POU3F4: variants seen among roughly 807,000 people sequenced by gnomAD.
The protein encoded by POU3F4 is POU domain, class 3, transcription factor 4.
Under a neutral mutation model 15.2 loss-of-function variants are expected in POU3F4, and 2 were observed. The observed-to-expected ratio is 0.13, with a 90% CI of 0.05 to 0.42. POU3F4 has a LOEUF of 0.42. POU3F4 is among the 10% of genes least tolerant of loss of function. The probability of loss-of-function intolerance (pLI) is 0.99; values close to 1 mark genes in which losing one functional copy is unlikely to be tolerated. For missense variants in POU3F4, 220 were observed against 297.0 expected (o/e 0.74, Z 1.91); for synonymous variants, 158 against 133.3 (o/e 1.19, Z -1.28).
Position 83,508,766 on chromosome X carries a change from G to A in POU3F4, c.442G>A (p.Gly148Arg), listed in dbSNP as rs773169987. The A allele has an allele frequency of 1.7e-6, 2 of 1,205,449 alleles. No individual in the cohort carries two copies. The highest frequency in any genetic ancestry group is 2.2e-5 in the Admixed American group (1 of 45,343). ...CACCGTGAGCGGCATGCTGGAACAC[G>A]GGGGACTCACCCCACCTCCAGCTGC... ...GFTVSGMLEH[G>R]GLTPPPAAAS... The change falls in exon 1 of 1, where the codon GGG becomes AGG. Residue 148 changes from glycine (G) to arginine (R), a missense_variant. Around this residue, in one of 5 missense-constraint regions of POU3F4, gnomAD observed 161 missense variants for 154.1 expected, o/e 1.05. Coordinates refer to ENST00000644024, the MANE Select transcript of POU3F4 (RefSeq NM_000307.5).
rs1361161190 is a variant in POU3F4 at position 83,510,242 on chromosome X, G to C, written c.*832G>C. On this transcript the variant is annotated 3_prime_UTR_variant, in exon 1 of 1. Transcript: ENST00000644024. ...TGGCTTTTTAATTGCTTAGAAAAGG[G>C]AGGAGATGAATGGGAATAGGCGGGG... 9.1e-6 allele frequency: 1 copy of C among 109,516 alleles called. No individual in the cohort carries two copies. Among genetic ancestry groups the C allele is most frequent in the Non-Finnish European group, 1.9e-5 (1 of 52,551 alleles). The allele number at this position is 109,516 out of a possible 1,213,427, so 9.0% of individuals were successfully genotyped here.
In POU3F4 at chrX:83,509,669, C is replaced by A; in HGVS notation, c.*259C>A. 2.5e-6 allele frequency: 1 copy of A among 406,029 alleles called. No homozygotes were observed. Among genetic ancestry groups the A allele is most frequent in the Non-Finnish European group, 4.3e-6 (1 of 234,620 alleles). 33.5% of individuals were successfully genotyped at this position (406,029 alleles called of 1,213,427 possible). Reference sequence around the variant, plus strand: ...TCCCTTCCCTTCCATCTCTTCCTTTCCTTTCCTTTCTTTTCTTTTGCTTTC... The same window carrying A: ...TCCCTTCCCTTCCATCTCTTCCTTTACTTTCCTTTCTTTTCTTTTGCTTTC... On this transcript the variant is annotated 3_prime_UTR_variant, in exon 1 of 1. Transcript: ENST00000644024.
Position 83,511,416 on chromosome X carries a change from C to T in POU3F4, c.*2006C>T. 1 of 112,060 alleles carries T rather than the reference C, an allele frequency of 8.9e-6. No homozygotes were observed. Among genetic ancestry groups the T allele is most frequent in the Non-Finnish European group, 1.9e-5 (1 of 53,217 alleles). The allele number at this position is 112,060 out of a possible 1,213,427, so 9.2% of individuals were successfully genotyped here. On this transcript the variant is annotated 3_prime_UTR_variant, in exon 1 of 1. Coordinates refer to ENST00000644024, the MANE Select transcript of POU3F4 (RefSeq NM_000307.5). Reference sequence around the variant, plus strand: ...GCCACTGCTGGCCGCCTAGTCCGGCCTTTAGGCGCAGCTGCTGTAGACAAA... The same window carrying T: ...GCCACTGCTGGCCGCCTAGTCCGGCTTTTAGGCGCAGCTGCTGTAGACAAA...
In POU3F4 at chrX:83,509,562, T is replaced by TCCTTTTTCTTTCCTTTCC. The variant is rs1406007790; in HGVS notation, c.*166_*183dup. 4.4e-5 allele frequency: 35 copies of TCCTTTTTCTTTCCTTTCC among 803,130 alleles called. No individual in the cohort carries two copies. In the African/African-American group the frequency reaches 6.0e-4, roughly 14 times the overall value. 66.2% of individuals were successfully genotyped at this position (803,130 alleles called of 1,213,427 possible). On this transcript the variant is annotated 3_prime_UTR_variant, in exon 1 of 1. Transcript: ENST00000644024. ...CGTACTCTCTCTCTTTTCCCTCCTT[T>TCCTTTTTCTTTCCTTTCC]CCTTTTTCTTTCCTTTCCCCTTTTT...
Position 83,509,083 on chromosome X carries a change from C to T in POU3F4, c.759C>T (p.Asn253=), listed in dbSNP as rs1357893250. ...KNMCKLKPLL[N]KWLEEADSST... ...TGTGCAAGCTGAAGCCCCTGCTGAACAAGTGGCTGGAGGAGGCGGATTCGT... is the reference window on the plus strand; with the variant it reads ...TGTGCAAGCTGAAGCCCCTGCTGAATAAGTGGCTGGAGGAGGCGGATTCGT... Residue 253 remains asparagine (N), a synonymous_variant, in exon 1 of 1, where the codon AAC becomes AAT. Coordinates refer to ENST00000644024, the MANE Select transcript of POU3F4 (RefSeq NM_000307.5). 2 of 1,210,557 alleles carry T rather than the reference C, an allele frequency of 1.7e-6. No individual in the cohort carries two copies. Among genetic ancestry groups the T allele is most frequent in the Admixed American group, 2.2e-5 (1 of 45,929 alleles).
Position 83,509,351 on chromosome X carries a change from C to T in POU3F4, c.1027C>T (p.Gln343Ter), listed in dbSNP as rs1156540353. The change falls in exon 1 of 1, where the codon CAG becomes TAG. Residue 343 changes from glutamine (Q) to a stop codon, truncating the protein, a stop_gained. Transcript: ENST00000644024. LOFTEE classifies it high-confidence loss of function. The stretch of plus-strand genomic sequence containing the variant: ...AAGAATGACTCCGCCAGGGGATCAG[C>T]AGCCGCATGAGGTTTATTCGCACAC... ...EKRMTPPGDQQPHEVYSHTVK... is the reference protein window; with the variant it reads ...EKRMTPPGDQ The T allele has an allele frequency of 8.3e-7, 1 of 1,209,022 alleles. No homozygotes were observed. Among genetic ancestry groups the T allele is most frequent in the East Asian group, 3.0e-5 (1 of 33,765 alleles).
chrX:83,509,700 C>CT lies in POU3F4; in HGVS notation c.*297dup, dbSNP rs1011062251. On this transcript the variant is annotated 3_prime_UTR_variant, in exon 1 of 1. Transcript: ENST00000644024. ...CTTTCTTTTCTTTTGCTTTCCTTTC[C>CT]TTTTTTTCCCTTTTCTTTCCTTTTC... 2.6e-5 allele frequency: 9 copies of CT among 349,802 alleles called. No individual in the cohort carries two copies. The highest frequency in any genetic ancestry group is 8.5e-5 in the African/African-American group (3 of 35,205). The allele number at this position is 349,802 out of a possible 1,213,427, so 28.8% of individuals were successfully genotyped here. A position where few individuals can be genotyped will look rare whatever the true frequency, so the allele number is the denominator to read the frequency against.
rs1428201589 is a variant in POU3F4, at chrX:83,508,626, T to C, written c.302T>C (p.Val101Ala). The C allele has an allele frequency of 5.8e-6, 7 of 1,211,257 alleles. No homozygotes were observed. The highest frequency in any genetic ancestry group is 7.8e-6 in the Non-Finnish European group (7 of 895,315). ...GAIIHHRSPH[V>A]AHHSPHTNHP... is the part of the protein sequence containing the mutation. Reference sequence around the variant, plus strand: ...ATCATCCATCACCGCTCGCCACACGTAGCCCACCACTCACCGCACACTAAC... The same window carrying C: ...ATCATCCATCACCGCTCGCCACACGCAGCCCACCACTCACCGCACACTAAC... Residue 101 changes from valine (V) to alanine (A), a missense_variant, in exon 1 of 1, where the codon GTA becomes GCA. Around this residue, in one of 5 missense-constraint regions of POU3F4, gnomAD observed 161 missense variants for 154.1 expected, o/e 1.05. Transcript: ENST00000644024.
Position 83,509,402 on chromosome X carries a change from G to C in POU3F4, c.1078G>C (p.Asp360His). 1 of 1,199,988 alleles carries C rather than the reference G, an allele frequency of 8.3e-7. No homozygotes were observed. The highest frequency in any genetic ancestry group is 1.1e-6 in the Non-Finnish European group (1 of 889,235). Residue 360 changes from aspartate to histidine, a missense_variant, in exon 1 of 1, where the codon GAT (aspartate) becomes CAT (histidine). Transcript: ENST00000644024. ...CGTGAAAACAGACACATCTTGCCAT[G>C]ATCTCTGACTGGAGGAAGCGAGGAG... ...HTVKTDTSCH[D>H]L
chrX:83,509,455 GA>G lies in POU3F4; in HGVS notation c.*46del. 8.5e-7 allele frequency: 1 copy of G among 1,173,673 alleles called. No individual in the cohort carries two copies. Among genetic ancestry groups the G allele is most frequent in the Non-Finnish European group, 1.1e-6 (1 of 874,678 alleles). On this transcript the variant is annotated 3_prime_UTR_variant, in exon 1 of 1. Coordinates refer to ENST00000644024, the MANE Select transcript of POU3F4 (RefSeq NM_000307.5). ...GGCCGGCCGCACTGGGAGCAGCGCGGATTTCTCTTTCTCTCTCACTCTCTTC... is the reference window on the plus strand; with the variant it reads ...GGCCGGCCGCACTGGGAGCAGCGCGGTTTCTCTTTCTCTCTCACTCTCTTC...
Position 83,509,481 on chromosome X carries a change from C to T in POU3F4, c.*71C>T. The T allele has an allele frequency of 8.7e-7, 1 of 1,148,340 alleles. No homozygotes were observed. Among genetic ancestry groups the T allele is most frequent in the Admixed American group, 2.6e-5 (1 of 38,789 alleles). The allele number at this position is 1,148,340 out of a possible 1,213,427, so 94.6% of individuals were successfully genotyped here. On this transcript the variant is annotated 3_prime_UTR_variant, in exon 1 of 1. Transcript: ENST00000644024. ...ATTTCTCTTTCTCTCTCACTCTCTT[C>T]CTTTCATTCTAGTATTCTTTATTAT...
chrX:83,508,293 A>C lies in POU3F4; in HGVS notation c.-32A>C, dbSNP rs374967521. ...AAAGGCTGAAGCTGCTCCCTTTGCC[A>C]CATTATAACTAGTAGGGGATCCTCA... On this transcript the variant is annotated 5_prime_UTR_variant, in exon 1 of 1. Coordinates refer to ENST00000644024, the MANE Select transcript of POU3F4 (RefSeq NM_000307.5). The C allele has an allele frequency of 2.0e-5, 24 of 1,210,308 alleles. No individual in the cohort carries two copies. Among genetic ancestry groups the C allele is most frequent in the Non-Finnish European group, 2.7e-5 (24 of 895,263 alleles).
rs1925891610 is a variant in POU3F4 at position 83,510,616 on chromosome X, CAGAAAT to C, written c.*1207_*1212del. 1.8e-5 allele frequency: 2 copies of C among 111,599 alleles called. No homozygotes were observed. Among genetic ancestry groups the C allele is most frequent in the African/African-American group, 6.5e-5 (2 of 30,652 alleles). 9.2% of individuals were successfully genotyped at this position (111,599 alleles called of 1,213,427 possible). On this transcript the variant is annotated 3_prime_UTR_variant, in exon 1 of 1. Transcript: ENST00000644024. Reference sequence around the variant, plus strand: ...CACCGGACTCCAGGATTCCTGCGCGCAGAAATCCAGGCCCCCAGCCTCGCTAGGGCG... The same window carrying C: ...CACCGGACTCCAGGATTCCTGCGCGCCCAGGCCCCCAGCCTCGCTAGGGCG...
rs767707234 is a variant in POU3F4 at position 83,508,339 on chromosome X, C to T, written c.15C>T (p.Ala5=). Residue 5 remains alanine (A), a synonymous_variant, in exon 1 of 1, where the codon GCC becomes GCT. Coordinates refer to ENST00000644024, the MANE Select transcript of POU3F4 (RefSeq NM_000307.5). ...CCTCACCGACCATGGCCACAGCTGCCTCGAATCCCTACAGCATTCTCAGTT... is the reference window on the plus strand; with the variant it reads ...CCTCACCGACCATGGCCACAGCTGCTTCGAATCCCTACAGCATTCTCAGTT... MATA[A]SNPYSILSST... 8.2e-7 allele frequency: 1 copy of T among 1,212,194 alleles called. No homozygotes were observed. Among genetic ancestry groups the T allele is most frequent in the Non-Finnish European group, 1.1e-6 (1 of 895,599 alleles).
At position 83,510,433 on chromosome X, in the gene POU3F4, T is replaced by C. The variant is rs1454985408; in HGVS notation, c.*1023T>C. On this transcript the variant is annotated 3_prime_UTR_variant, in exon 1 of 1. Transcript: ENST00000644024. ...GAAGCCTATTAGGTTTGCAAACTAG[T>C]GCGAAGTAGCAGCGGCGATTTCGCA... 9.0e-6 allele frequency: 1 copy of C among 111,366 alleles called. No homozygotes were observed. Among genetic ancestry groups the C allele is most frequent in the African/African-American group, 3.3e-5 (1 of 30,556 alleles). The allele number at this position is 111,366 out of a possible 1,213,427, so 9.2% of individuals were successfully genotyped here.
rs1602643037 is a variant in POU3F4 at position 83,511,095 on chromosome X, T to C, written c.*1685T>C. The C allele has an allele frequency of 1.9e-5, 2 of 107,711 alleles. No individual in the cohort carries two copies. The highest frequency in any genetic ancestry group is 6.8e-5 in the African/African-American group (2 of 29,569). The allele number at this position is 107,711 out of a possible 1,213,427, so 8.9% of individuals were successfully genotyped here. ...ATATATATATATTTTTAAATCTCTG[T>C]GTGTATGTGTCTCTGTGCGTGTGTG... On this transcript the variant is annotated 3_prime_UTR_variant, in exon 1 of 1. Coordinates refer to ENST00000644024, the MANE Select transcript of POU3F4 (RefSeq NM_000307.5).
Position 83,509,371 on chromosome X carries a change from G to T in POU3F4, c.1047G>T (p.Ser349=), listed in dbSNP as rs1373675392. ...ATCAGCAGCCGCATGAGGTTTATTC[G>T]CACACCGTGAAAACAGACACATCTT... ...PGDQQPHEVY[S]HTVKTDTSCH... Residue 349 remains serine (S), a synonymous_variant, in exon 1 of 1, where the codon TCG becomes TCT. Transcript: ENST00000644024. The T allele has an allele frequency of 2.5e-6, 3 of 1,204,819 alleles. No individual in the cohort carries two copies. The highest frequency in any genetic ancestry group is 2.2e-5 in the Admixed American group (1 of 45,206).
In POU3F4 at chrX:83,511,961, AT is replaced by A. The variant is rs1925920248; in HGVS notation, c.*2553del. On this transcript the variant is annotated 3_prime_UTR_variant, in exon 1 of 1. Transcript: ENST00000644024. ...ATTATTTATTTTCAATAAATTCTGCATTGTGTTTAAAAGGAAATTCTTTCAC... is the reference window on the plus strand; with the variant it reads ...ATTATTTATTTTCAATAAATTCTGCATGTGTTTAAAAGGAAATTCTTTCAC... 8.9e-6 allele frequency: 1 copy of A among 112,576 alleles called. No homozygotes were observed. The highest frequency in any genetic ancestry group is 3.2e-5 in the African/African-American group (1 of 30,964). 9.3% of individuals were successfully genotyped at this position (112,576 alleles called of 1,213,427 possible).
rs981834846 is a variant in POU3F4 at position 83,511,466 on chromosome X, A to G, written c.*2056A>G. The G allele has an allele frequency of 1.8e-5, 2 of 112,232 alleles. No individual in the cohort carries two copies. Among genetic ancestry groups the G allele is most frequent in the Non-Finnish European group, 3.8e-5 (2 of 53,242 alleles). 9.2% of individuals were successfully genotyped at this position (112,232 alleles called of 1,213,427 possible). On this transcript the variant is annotated 3_prime_UTR_variant, in exon 1 of 1. Transcript: ENST00000644024. The stretch of plus-strand genomic sequence containing the variant: ...AGCTTCAAACTACCTAAGGACCAGA[A>G]AGCCCGGCCCGGTTGTCGAGGATGC...
Sources: gnomAD v4.1 joint callset for allele counts on GRCh38, gnomAD v4.1.1 for gene constraint, gnomAD v4.1.1 regional missense constraint, MANE v1.5 for transcripts, NCBI Gene and HGNC (gene_info 2026-07-23, HGNC 2026-07-21) for gene names.